The following WWOX variants were observed in gnomAD, a reference collection of about 807,000 sequenced individuals.
WWOX encodes the protein WW domain containing oxidoreductase, also known as WW domain-containing oxidoreductase.
In WWOX, 69 loss-of-function variants were observed where a neutral mutation model predicts 46.2. The observed-to-expected ratio is 1.49, with a 90% CI of 1.23 to 1.82. The LOEUF is 1.82. WWOX is among the 40% of genes most tolerant of loss of function. The pLI, the probability that WWOX is intolerant of heterozygous loss-of-function variation, is 0.00. For synonymous variants in WWOX, 359 were observed against 202.6 expected (o/e 1.77, Z -6.56); for missense variants, 919 against 542.6 (o/e 1.69, Z -6.89).
At chr16:78,294,620 CT>C (rs753056244) in intron 5 of WWOX, among the ~76,000 whole-genome samples, 282 of 146,354 alleles carry the variant, frequency 1.9e-3, no homozygotes, top group Non-Finnish European at 2.9e-3. Context: ...GCTGTGAGGT[CT>C]GTAAAAGGAT....
chr16:78,706,208 C>T (rs767632845), intron 8 of WWOX, among the ~76,000 whole-genome samples: 12 of 152,010 alleles, frequency 7.9e-5, no homozygotes, highest in African/African-American at 2.7e-4. Flanking sequence ...AAACAGTTTT[C>T]GTGCATATGT....
chr16:78,329,936 A>G (rs777096247), intron 5 of WWOX, among the ~76,000 whole-genome samples: 17 of 152,016 alleles, frequency 1.1e-4, no homozygotes, highest in African/African-American at 3.9e-4. Context: ...TGTAGAGACA[A>G]GTTCTTGCTA....
chr16:78,702,664 A>G (rs1171359658), intron 8 of WWOX, among the ~76,000 whole-genome samples: 1 of 110,632 alleles, frequency 9.0e-6, no homozygotes, highest in East Asian at 2.8e-4. Context: ...CAAAAAAAAG[A>G]ACAAAAAAAA....
intron 8 of WWOX, among the ~76,000 whole-genome samples, chr16:79,176,843 C>G (rs1295835154): frequency 2.0e-5 from 3 of 152,110 alleles, no homozygotes; most frequent in African/African-American, 4.8e-5. Flanking sequence ...AGTAATTCAT[C>G]TTTATTTGAA....
chr16:78,206,382 GA>G (rs932971043), intron 5 of WWOX, among the ~76,000 whole-genome samples: 3 of 151,310 alleles, frequency 2.0e-5, no homozygotes, highest in African/African-American at 7.3e-5. Flanking sequence ...GAATTAGAAG[GA>G]AAAAAAAGGT....
rs925756974 is a variant in WWOX, at chr16:78,135,833, A to G, written c.409+20679A>G. On this transcript the variant is annotated intron_variant, in intron 4 of 8. Coordinates refer to ENST00000566780, the MANE Select transcript of WWOX (RefSeq NM_016373.4). ...TTTTGGGAGTTGAACATATAAGCAC[A>G]TGTACCTCTATGTGACTTTTGAGAC... 7.2e-5 allele frequency among the ~76,000 whole-genome samples: 11 copies of G among 152,278 alleles called. No homozygotes were observed. In the East Asian group the frequency reaches 1.9e-3, roughly 27 times the overall value.
intron 8 of WWOX, among the ~76,000 whole-genome samples, chr16:78,669,712 A>T (rs1286762339): frequency 6.6e-6 from 1 of 152,234 alleles, no homozygotes; most frequent in Non-Finnish European, 1.5e-5. Flanking sequence ...GTTACAGTTC[A>T]TTGGATAATT....
intron 8 of WWOX, among the ~76,000 whole-genome samples, chr16:78,834,391 G>A (rs1029105932): frequency 1.3e-5 from 2 of 152,108 alleles, no homozygotes; most frequent in African/African-American, 2.4e-5. Flanking sequence ...CTCATAAATC[G>A]GCACAAATTG....
At chr16:78,865,229 T>C in intron 8 of WWOX, among the ~76,000 whole-genome samples, 1 of 152,196 alleles carries the variant, frequency 6.6e-6, no homozygotes. Context: ...CGATCAGTTT[T>C]TTTTCCTTGA....
intron 8 of WWOX, among the ~76,000 whole-genome samples, chr16:78,529,269 A>G (rs543310518): frequency 6.6e-6 from 1 of 152,196 alleles, no homozygotes; most frequent in South Asian, 2.1e-4. Flanking sequence ...ACTTTCTATT[A>G]TATAGATTTT....
chr16:78,704,865 C>T (rs1414473984), intron 8 of WWOX, among the ~76,000 whole-genome samples: 2 of 151,830 alleles, frequency 1.3e-5, no homozygotes, highest in Non-Finnish European at 2.9e-5. Context: ...TTTTGTGGGC[C>T]ACCCCAACTC....
chr16:78,681,741 T>G lies in WWOX; in HGVS notation c.1056+248989T>G, dbSNP rs146221980. Reference sequence around the variant, plus strand: ...CTGAAGTGAATGGGACAGTTTCCAATACTCAGCACAAAGGCGTGCGCAGTG... The same window carrying G: ...CTGAAGTGAATGGGACAGTTTCCAAGACTCAGCACAAAGGCGTGCGCAGTG... On this transcript the variant is annotated intron_variant, in intron 8 of 8. Transcript: ENST00000566780. 3.5e-4 allele frequency among the ~76,000 whole-genome samples: 53 copies of G among 152,318 alleles called. No homozygotes were observed. In the Middle Eastern group the frequency reaches 0.01, roughly 29 times the overall value.
intron 5 of WWOX, among the ~76,000 whole-genome samples, chr16:78,261,910 G>GT (rs996810755): frequency 6.7e-6 from 1 of 150,176 alleles, no homozygotes; most frequent in Admixed American, 6.7e-5. Context: ...GACTGTGTAA[G>GT]TTAAATTTTA....
intron 8 of WWOX, among the ~76,000 whole-genome samples, chr16:79,144,157 C>G (rs1300746209): frequency 2.0e-5 from 3 of 152,168 alleles, no homozygotes; most frequent in Non-Finnish European, 2.9e-5. Context: ...GTCTCAGCCT[C>G]CCAAAGTGTG....
At chr16:78,652,643 C>T (rs887947247) in intron 8 of WWOX, among the ~76,000 whole-genome samples, 2 of 152,110 alleles carry the variant, frequency 1.3e-5, no homozygotes, top group African/African-American at 2.4e-5. Flanking sequence ...AGCCAAGATT[C>T]CTCGACCACC....
At chr16:78,877,477 C>T (rs1043402205) in intron 8 of WWOX, among the ~76,000 whole-genome samples, 3 of 152,218 alleles carry the variant, frequency 2.0e-5, no homozygotes, top group African/African-American at 7.2e-5. Flanking sequence ...TCAACTGACA[C>T]TTTCTCAGTG....
chr16:79,140,611 C>T (rs2050071022), intron 8 of WWOX, among the ~76,000 whole-genome samples: 1 of 152,206 alleles, frequency 6.6e-6, no homozygotes, highest in Non-Finnish European at 1.5e-5. Flanking sequence ...CTGAGGCAGG[C>T]AAGCCACCAG....
At chr16:79,121,560 G>A (rs544161173) in intron 8 of WWOX, among the ~76,000 whole-genome samples, 1 of 152,274 alleles carries the variant, frequency 6.6e-6, no homozygotes, top group Admixed American at 6.5e-5. Flanking sequence ...GACTCGGGAG[G>A]CCTGCAGTTG....
chr16:78,994,149 A>C (rs1360954888), intron 8 of WWOX, among the ~76,000 whole-genome samples: 1 of 152,220 alleles, frequency 6.6e-6, no homozygotes, highest in African/African-American at 2.4e-5. Context: ...GAAATTAATC[A>C]AAACCCCCTT....
Sources: allele counts gnomAD v4.1 joint callset (sites outside exome capture counted in the v4.1 genomes callset), GRCh38; gene constraint gnomAD v4.1.1; transcripts MANE v1.5; gene names NCBI Gene and HGNC (gene_info 2026-07-23, HGNC 2026-07-21).